Variants in RSRP1 observed in about 807,000 individuals in gnomAD.
RSRP1 encodes arginine and serine rich protein 1, also known as arginine/serine-rich protein 1.
In RSRP1, 37 loss-of-function variants were observed where a neutral mutation model predicts 33.0. That is an observed-to-expected ratio of 1.12 (90% CI 0.86 to 1.48). RSRP1 has a LOEUF of 1.48. Among genes scored for constraint, RSRP1 ranks in the 40% most tolerant of loss-of-function variants. The pLI is 0.00. For missense variants in RSRP1, 402 were observed against 385.3 expected, an observed-to-expected ratio of 1.04 and a Z score of -0.36; for synonymous variants, 167 against 158.7, an observed-to-expected ratio of 1.05 and a Z score of -0.40.
chr1:25,332,587 A>G (rs1396751999), intron 1 of RSRP1, among the ~76,000 whole-genome samples: 1 of 132,064 alleles, frequency 7.6e-6, no homozygotes, highest in African/African-American at 2.6e-5. Context: ...ATTACCTAAT[A>G]ATCCAACCTG....
At chr1:25,280,436 G>C (rs1336985006) in intron 1 of RSRP1, among the ~76,000 whole-genome samples, 1 of 127,752 alleles carries the variant, frequency 7.8e-6, no homozygotes, top group Non-Finnish European at 1.8e-5. Context: ...CTCCTGAGTA[G>C]CTGGGATTAC....
chr1:25,257,982 C>T (rs1640001241), intron 1 of RSRP1, among the ~76,000 whole-genome samples: 2 of 152,076 alleles, frequency 1.3e-5, no homozygotes, highest in African/African-American at 4.8e-5. Context: ...CAGCAGGATC[C>T]TCATTCATCA....
At position 25,320,432 on chromosome 1, in the gene RSRP1, T is replaced by C. The variant is rs531973808; in HGVS notation, c.-67+17546A>G. On this transcript the variant is annotated intron_variant, in intron 1 of 1. Transcript: ENST00000561867. Reference sequence around the variant, plus strand: ...CTCAGTGATGAGTAAGCCTCAGCTATCTGGAAAATTCATGCAGGCGCCAGA... The same window carrying C: ...CTCAGTGATGAGTAAGCCTCAGCTACCTGGAAAATTCATGCAGGCGCCAGA... Among the ~76,000 whole-genome samples the C allele has an allele frequency of 2.8e-4, 37 of 132,192 alleles. 4 individuals carry two copies. Among genetic ancestry groups the C allele is most frequent in the African/African-American group, 9.5e-4 (37 of 38,932 alleles). The allele number at this position is 132,192 out of a possible 152,430, so 86.7% of individuals were successfully genotyped here. A position where few individuals can be genotyped will look rare whatever the true frequency, so the allele number is the denominator to read the frequency against.
intron 1 of RSRP1, among the ~76,000 whole-genome samples, chr1:25,257,449 A>G (rs186820457): frequency 4.8e-4 from 73 of 152,316 alleles, no homozygotes; most frequent in African/African-American, 1.6e-3. Flanking sequence ...GAACAGGCAG[A>G]GGGAAAATAA....
chr1:25,245,073 T>C, intron 3 of RSRP1, 77 bp downstream of exon 3: 1 of 1,612,652 alleles, frequency 6.2e-7, no homozygotes, highest in Non-Finnish European at 8.5e-7. Context: ...AAAAGTATAG[T>C]CTAAGATATA....
At position 25,333,525 on chromosome 1, in the gene RSRP1, G is replaced by C. The variant is rs1166974292; in HGVS notation, c.-67+4453C>G. Among the ~76,000 whole-genome samples, 4 of 130,390 alleles carry C rather than the reference G, an allele frequency of 3.1e-5. No individual in the cohort carries two copies. In the East Asian group the frequency reaches 7.8e-4, roughly 25 times the overall value. The allele number at this position is 130,390 out of a possible 152,430, so 85.5% of individuals were successfully genotyped here. On this transcript the variant is annotated intron_variant, in intron 1 of 1. Coordinates refer to the RSRP1 transcript ENST00000561867. Reference sequence around the variant, plus strand: ...CGGTCAGCAAAGAAGCCATGTGACAGAGAAGGGTGGGCCAGGGAGAGACGG... The same window carrying C: ...CGGTCAGCAAAGAAGCCATGTGACACAGAAGGGTGGGCCAGGGAGAGACGG...
intron 1 of RSRP1, among the ~76,000 whole-genome samples, chr1:25,257,117 T>C (rs1016369662): frequency 1.3e-5 from 2 of 152,256 alleles, no homozygotes; most frequent in Non-Finnish European, 2.9e-5. Flanking sequence ...TGTCATTTAA[T>C]ACACTTCAGT....
At chr1:25,264,052 C>T (rs142351998) in intron 1 of RSRP1, among the ~76,000 whole-genome samples, 3,790 of 152,096 alleles carry the variant, frequency 0.025, 213 homozygotes, top group African/African-American at 0.086. Context: ...TCTTGGGCAG[C>T]TCTGCCCCTG....
In RSRP1 at chr1:25,315,250, A is replaced by C. The variant is rs370274495; in HGVS notation, c.-67+22728T>G. The stretch of plus-strand genomic sequence containing the variant: ...AGATCAATGAATTGAGTAATTGACT[A>C]CATTTTTCAGTCATTCAACAAATAT... On this transcript the variant is annotated intron_variant, in intron 1 of 1. Transcript: ENST00000561867. 1.1e-4 allele frequency among the ~76,000 whole-genome samples: 14 copies of C among 130,068 alleles called. 4 individuals are homozygous for C. The highest frequency in any genetic ancestry group is 4.7e-4 in the South Asian group (2 of 4,286). 85.3% of individuals were successfully genotyped at this position (130,068 alleles called of 152,430 possible).
At chr1:25,302,642 G>A (rs1230250405) in intron 1 of RSRP1, among the ~76,000 whole-genome samples, 2 of 129,780 alleles carry the variant, frequency 1.5e-5, no homozygotes, top group African/African-American at 5.3e-5. Flanking sequence ...TATGACCCAG[G>A]AACAAGGCCC....
rs769120995 is a variant in RSRP1 at position 25,246,552 on chromosome 1, G to A, written c.412C>T (p.Arg138Cys). The A allele has an allele frequency of 6.2e-7, 1 of 1,614,088 alleles. No homozygotes were observed. ...GRAYAIARGQ[R>C]YYGFGRTVYP... ...ACTGTGCGACCAAAGCCGTAGTAGC[G>A]CTGTCCCCGCGCGATCGCGTACGCC... is the stretch of plus-strand genomic sequence containing the variant. Residue 138 changes from arginine to cysteine, a missense_variant, in exon 2 of 5, where the codon CGC becomes TGC. Arg to Cys is a radical substitution (Grantham distance 180). Transcript: ENST00000243189.
intron 1 of RSRP1, among the ~76,000 whole-genome samples, chr1:25,286,022 G>C (rs1362642717): frequency 7.4e-6 from 1 of 135,196 alleles, no homozygotes; most frequent in Non-Finnish European, 1.8e-5. Context: ...GGAAGTGGAA[G>C]CTCAGAGAGG....
chr1:25,268,755 C>G (rs1640403503), intron 1 of RSRP1, among the ~76,000 whole-genome samples: 1 of 129,036 alleles, frequency 7.7e-6, no homozygotes. Context: ...CAAGACCAGC[C>G]TGGCCAACCT....
At chr1:25,257,766 A>AT (rs1190822374) in intron 1 of RSRP1, among the ~76,000 whole-genome samples, 1 of 151,828 alleles carries the variant, frequency 6.6e-6, no homozygotes, top group African/African-American at 2.4e-5. Flanking sequence ...TGCCCAGCTA[A>AT]TTTTTTGTTG....
rs1462918950 is a variant in RSRP1 at position 25,322,411 on chromosome 1, G to A, written c.-67+15567C>T. ...CAACTGGCTGGGCACGGTGGCTCAC[G>A]CCTGTGATCCCAGCACTTTGGGAGG... On this transcript the variant is annotated intron_variant, in intron 1 of 1. Transcript: ENST00000561867. Among the ~76,000 whole-genome samples the A allele has an allele frequency of 6.0e-5, 8 of 133,324 alleles. 1 individual carries two copies. The highest frequency in any genetic ancestry group is 2.0e-4 in the African/African-American group (8 of 39,216). The allele number at this position is 133,324 out of a possible 152,430, so 87.5% of individuals were successfully genotyped here.
Position 25,242,305 on chromosome 1 carries a change from CTG to C in RSRP1, c.*282_*283del, listed in dbSNP as rs1553131351. On this transcript the variant is annotated 3_prime_UTR_variant, in exon 5 of 5. Transcript: ENST00000243189. ...ACAAAACAGGAATACAGTTCAATTA[CTG>C]TGTCTAAAAAATTTCATTTTTACAT... 4.8e-6 allele frequency: 1 copy of C among 208,766 alleles called. No individual in the cohort carries two copies. Among genetic ancestry groups the C allele is most frequent in the African/African-American group, 2.3e-5 (1 of 43,464 alleles). The allele number at this position is 208,766 out of a possible 1,614,324, so 12.9% of individuals were successfully genotyped here.
chr1:25,242,818 T>C, intron 4 of RSRP1, 113 bp from the exon 5 acceptor site: 1 of 747,000 alleles, frequency 1.3e-6, no homozygotes, highest in African/African-American at 1.7e-5. Flanking sequence ...TATCAATTGC[T>C]GGGCGCGGTG....
rs1046832617 is a variant in RSRP1 at position 25,270,217 on chromosome 1, T to TTA, written c.-66-23189_-66-23188insTA. On this transcript the variant is annotated intron_variant, in intron 1 of 1. Coordinates refer to the RSRP1 transcript ENST00000561867. ...CTGACCTCTGGGGATTGGGGTACCCTCCCCCTTAATTGCTGTTGGGGTAGC... is the reference window on the plus strand; with the variant it reads ...CTGACCTCTGGGGATTGGGGTACCCTTACCCCCTTAATTGCTGTTGGGGTAGC... Among the ~76,000 whole-genome samples the TTA allele has an allele frequency of 4.6e-5, 6 of 130,962 alleles. 1 individual carries two copies. Among genetic ancestry groups the TTA allele is most frequent in the African/African-American group, 1.6e-4 (6 of 38,214 alleles). 85.9% of individuals were successfully genotyped at this position (130,962 alleles called of 152,430 possible). A position where few individuals can be genotyped will look rare whatever the true frequency, so the allele number is the denominator to read the frequency against.
chr1:25,247,052 A>C, intron 1 of RSRP1, 23 bp from the exon 2 acceptor site: 1 of 1,332,532 alleles, frequency 7.5e-7, no homozygotes, highest in Non-Finnish European at 1.0e-6. Flanking sequence ...GAGAGAAAAA[A>C]CAAGTCGAGT....
Sources: allele counts gnomAD v4.1 joint callset (sites outside exome capture counted in the v4.1 genomes callset), GRCh38; gene constraint gnomAD v4.1.1; transcripts MANE v1.5; gene names NCBI Gene and HGNC (gene_info 2026-07-23, HGNC 2026-07-21).